Variants in DPYD observed in about 807,000 individuals in gnomAD.
The protein encoded by DPYD is dihydropyrimidine dehydrogenase.
In DPYD, 109 loss-of-function variants were observed where a neutral mutation model predicts 116.2. The ratio of observed to expected loss-of-function variants is 0.94; its 90% CI spans 0.80 to 1.10. DPYD has a LOEUF of 1.10. Ranked by LOEUF, DPYD falls within the 50% of genes least tolerant of loss-of-function variation. DPYD has a pLI of 0.00. For missense variants in DPYD, 1,302 were observed against 1,254.5 expected, an observed-to-expected ratio of 1.04 and a Z score of -0.57; for synonymous variants, 440 against 432.0, an observed-to-expected ratio of 1.02 and a Z score of -0.23.
intron 18 of DPYD, among the ~76,000 whole-genome samples, chr1:97,251,418 GA>G (rs1381865804): frequency 2.2e-5 from 3 of 133,902 alleles, no homozygotes; most frequent in Non-Finnish European, 4.9e-5. Flanking sequence ...AAAAAAGAAA[GA>G]AAAAAAGAAA....
intron 2 of DPYD, among the ~76,000 whole-genome samples, chr1:97,852,709 T>C (rs1387003986): frequency 6.6e-6 from 1 of 152,194 alleles, no homozygotes; most frequent in Non-Finnish European, 1.5e-5. Flanking sequence ...TGACTCCCAA[T>C]AGATTTTCTT....
At chr1:97,394,918 A>T (rs993996437) in intron 14 of DPYD, among the ~76,000 whole-genome samples, 2 of 152,076 alleles carry the variant, frequency 1.3e-5, no homozygotes, top group African/African-American at 4.8e-5. Flanking sequence ...TAAAAAATGA[A>T]GCAAGATATC....
chr1:97,107,256 T>C (rs751636452), intron 20 of DPYD, among the ~76,000 whole-genome samples: 1 of 152,120 alleles, frequency 6.6e-6, no homozygotes, highest in Non-Finnish European at 1.5e-5. Context: ...GATTCTTGAC[T>C]TTTAAAATTA....
intron 8 of DPYD, among the ~76,000 whole-genome samples, chr1:97,671,120 C>A (rs1240701367): frequency 6.6e-6 from 1 of 151,658 alleles, no homozygotes; most frequent in Non-Finnish European, 1.5e-5. Context: ...GTTAAAATAA[C>A]CTTAGTGATT....
Position 97,089,791 on chromosome 1 carries a change from G to A in DPYD, c.2767-7321C>T, listed in dbSNP as rs921341983. Among the ~76,000 whole-genome samples, 13 of 150,098 alleles carry A rather than the reference G, an allele frequency of 8.7e-5. No homozygotes were observed. In the South Asian group the frequency reaches 2.8e-3, roughly 32 times the overall value. On this transcript the variant is annotated intron_variant, in intron 21 of 22. Transcript: ENST00000370192. ...TCCCCAGGGCCCCAGATCATTCCCAGGGGTAGGACGGAGGGCCTCTGAGGC... is the reference window on the plus strand; with the variant it reads ...TCCCCAGGGCCCCAGATCATTCCCAAGGGTAGGACGGAGGGCCTCTGAGGC...
rs780873985 is a variant in DPYD, at chr1:97,883,287, T to C, written c.127A>G (p.Arg43Gly). The change falls in exon 2 of 23, where the codon AGA becomes GGA. Residue 43 changes from arginine to glycine, a missense_variant. Transcript: ENST00000370192. ...AKKLDKKHWK[R>G]NPDKNCFNCE... ...ACAAAGCAGTTCTTATCAGGATTTCTTTTCCAATGTTTCTTGTCTAATTTC... is the reference window on the plus strand; with the variant it reads ...ACAAAGCAGTTCTTATCAGGATTTCCTTTCCAATGTTTCTTGTCTAATTTC... The C allele has an allele frequency of 1.2e-6, 2 of 1,611,292 alleles. No homozygotes were observed. Among genetic ancestry groups the C allele is most frequent in the South Asian group, 2.2e-5 (2 of 91,034 alleles).
chr1:97,777,494 C>T (rs1209300894), intron 3 of DPYD, among the ~76,000 whole-genome samples: 1 of 152,128 alleles, frequency 6.6e-6, no homozygotes, highest in Admixed American at 6.5e-5. Flanking sequence ...TACAGATGAT[C>T]AAGTTCAATG....
intron 20 of DPYD, among the ~76,000 whole-genome samples, chr1:97,126,701 T>C (rs1016813178): frequency 6.6e-6 from 1 of 152,150 alleles, no homozygotes; most frequent in East Asian, 1.9e-4. Context: ...TCTTGTAATA[T>C]TAATAGCATG....
intron 4 of DPYD, among the ~76,000 whole-genome samples, chr1:97,728,401 T>A (rs12750863): frequency 2.6e-5 from 4 of 152,086 alleles, no homozygotes; most frequent in African/African-American, 9.7e-5. Context: ...AGCATGAAAC[T>A]GCATTAGTGT....
chr1:97,405,023 A>G (rs1408132210), intron 14 of DPYD, among the ~76,000 whole-genome samples: 1 of 150,744 alleles, frequency 6.6e-6, no homozygotes, highest in Non-Finnish European at 1.5e-5. Context: ...ATCCAAGTCC[A>G]TCAGATAACC....
intron 3 of DPYD, among the ~76,000 whole-genome samples, chr1:97,827,593 G>C (rs1455618332): frequency 1.3e-5 from 2 of 151,826 alleles, no homozygotes; most frequent in African/African-American, 4.8e-5. Context: ...AAAAAAGTCA[G>C]GCTCATTATA....
chr1:97,198,089 C>T (rs1658938668), intron 19 of DPYD, among the ~76,000 whole-genome samples: 1 of 152,036 alleles, frequency 6.6e-6, no homozygotes, highest in Admixed American at 6.6e-5. Flanking sequence ...AATTTTGTTG[C>T]ACATACAAAT....
chr1:97,432,363 C>T (rs1329324099), intron 14 of DPYD, among the ~76,000 whole-genome samples: 1 of 152,150 alleles, frequency 6.6e-6, no homozygotes, highest in Non-Finnish European at 1.5e-5. Flanking sequence ...CTTGTCTAGT[C>T]TCCCTTAAGC....
At chr1:97,090,754 T>C (rs529776686) in intron 21 of DPYD, among the ~76,000 whole-genome samples, 244 of 152,344 alleles carry the variant, frequency 1.6e-3, no homozygotes, top group Middle Eastern at 0.014. Context: ...GTTGTATTCC[T>C]AGTTTCTAGC....
chr1:97,128,315 T>C (rs1653006957), intron 20 of DPYD, among the ~76,000 whole-genome samples: 2 of 152,200 alleles, frequency 1.3e-5, no homozygotes, highest in African/African-American at 4.8e-5. Context: ...ATGCTTTCAA[T>C]AAAGTATAGC....
chr1:97,134,044 T>G (rs867754130), intron 20 of DPYD, among the ~76,000 whole-genome samples: 1 of 59,780 alleles, frequency 1.7e-5, no homozygotes, highest in Non-Finnish European at 3.1e-5. Context: ...TATATATATA[T>G]ATATATATAT....
chr1:97,510,740 C>T (rs2101960891), intron 13 of DPYD, among the ~76,000 whole-genome samples: 1 of 152,086 alleles, frequency 6.6e-6, no homozygotes, highest in South Asian at 2.1e-4. Flanking sequence ...ACTTCATGAA[C>T]ATACATTGAC....
chr1:97,226,820 A>G (rs868165194), intron 19 of DPYD, among the ~76,000 whole-genome samples: 2 of 152,186 alleles, frequency 1.3e-5, no homozygotes, highest in South Asian at 2.1e-4. Flanking sequence ...TAAATATTCA[A>G]TAGAATCCCT....
In DPYD at chr1:97,289,212, A is replaced by G. The variant is rs1443973505; in HGVS notation, c.2299+16047T>C. 4.6e-5 allele frequency among the ~76,000 whole-genome samples: 7 copies of G among 152,104 alleles called. No homozygotes were observed. In the East Asian group the frequency reaches 1.2e-3, roughly 25 times the overall value. Reference sequence around the variant, plus strand: ...AATAATCAATAGCTTACCAACCAAAAAGAGTCCAGGACCAGATGGATTCAC... The same window carrying G: ...AATAATCAATAGCTTACCAACCAAAGAGAGTCCAGGACCAGATGGATTCAC... On this transcript the variant is annotated intron_variant, in intron 18 of 22. Transcript: ENST00000370192.
Sources: gnomAD v4.1 joint callset for allele counts (sites outside exome capture counted in the v4.1 genomes callset) on GRCh38, gnomAD v4.1.1 for gene constraint, MANE v1.5 for transcripts, NCBI Gene and HGNC (gene_info 2026-07-23, HGNC 2026-07-21) for gene names.